Variants in OR51V1 observed in about 807,000 individuals in gnomAD.
The protein encoded by OR51V1 is olfactory receptor family 51 subfamily V member 1, also known as olfactory receptor 51V1.
In OR51V1, 16 loss-of-function variants were observed where a neutral mutation model predicts 16.3. That is an observed-to-expected ratio of 0.98 (90% confidence interval 0.67 to 1.49). The LOEUF is 1.49. OR51V1 is among the 40% of genes most tolerant of loss of function. The probability of loss-of-function intolerance (pLI) is 0.00; values close to 1 mark genes in which losing one functional copy is unlikely to be tolerated. For missense variants in OR51V1, 469 were observed against 380.4 expected, an observed-to-expected ratio of 1.23 and a Z score of -1.94; for synonymous variants, 189 against 142.2, an observed-to-expected ratio of 1.33 and a Z score of -2.34.
rs1300889720 is a variant in OR51V1, at chr11:5,199,859, G to C, written c.824C>G (p.Ala275Gly). The C allele has an allele frequency of 6.2e-7, 1 of 1,614,152 alleles. No individual in the cohort carries two copies. The highest frequency in any genetic ancestry group is 1.3e-5 in the African/African-American group (1 of 75,036). ...GTAGATGTTGCCAATGAGAACGTGGGCCACGGGGGAAAGGTGCTTGCCAAA... is the reference window on the plus strand; with the variant it reads ...GTAGATGTTGCCAATGAGAACGTGGCCCACGGGGGAAAGGTGCTTGCCAAA... ...HRFGKHLSPV[A>G]HVLIGNIYIL... The change falls in exon 1 of 1, where the codon GCC becomes GGC. Residue 275 changes from alanine to glycine, a missense_variant. Coordinates refer to ENST00000641270, the MANE Select transcript of OR51V1 (RefSeq NM_001004760.3).
At position 5,200,062 on chromosome 11, in the gene OR51V1, A is replaced by G. The variant is rs1847190034; in HGVS notation, c.621T>C (p.Ile207=). The G allele has an allele frequency of 6.2e-7, 1 of 1,613,426 alleles. No homozygotes were observed. The highest frequency in any genetic ancestry group is 1.7e-5 in the Admixed American group (1 of 60,026). ...GTATAGCATCCAACAACAGTATGCA[A>G]ATAACCAGCATCAGGGCATAGTAAC... ...FNSYYALMLV[I]CILLLDAILI... Residue 207 remains isoleucine, a synonymous_variant, in exon 1 of 1, where the codon ATT becomes ATC. Coordinates refer to ENST00000641270, the MANE Select transcript of OR51V1 (RefSeq NM_001004760.3).
rs769935079 is a variant in OR51V1, at chr11:5,199,825, G to C, written c.858C>G (p.Phe286Leu). The C allele has an allele frequency of 1.9e-6, 3 of 1,613,932 alleles. No homozygotes were observed. Among genetic ancestry groups the C allele is most frequent in the Admixed American group, 3.3e-5 (2 of 59,994 alleles). ...HVLIGNIYILFPPLMNPIIYS... is the reference protein window; with the variant it reads ...HVLIGNIYILLPPLMNPIIYS... ...AGATGATGGGATTCATTAAAGGTGG[G>C]AAAAGGATGTAGATGTTGCCAATGA... The change falls in exon 1 of 1, where the codon TTC (phenylalanine) becomes TTG (leucine). Residue 286 changes from phenylalanine (F) to leucine (L), a missense_variant. Phe to Leu is a conservative substitution (Grantham distance 22). Coordinates refer to ENST00000641270, the MANE Select transcript of OR51V1 (RefSeq NM_001004760.3).
At position 5,200,057 on chromosome 11, in the gene OR51V1, A is replaced by G. The variant is rs1296789492; in HGVS notation, c.626T>C (p.Ile209Thr). The G allele has an allele frequency of 6.2e-7, 1 of 1,613,226 alleles. No homozygotes were observed. Among genetic ancestry groups the G allele is most frequent in the Non-Finnish European group, 8.5e-7 (1 of 1,179,184 alleles). The stretch of plus-strand genomic sequence containing the variant: ...GATGAGTATAGCATCCAACAACAGT[A>G]TGCAAATAACCAGCATCAGGGCATA... ...SYYALMLVIC[I>T]LLLDAILILF... Residue 209 changes from isoleucine (I) to threonine (T), a missense_variant, in exon 1 of 1, where the codon ATA becomes ACA. Transcript: ENST00000641270.
Position 5,199,966 on chromosome 11 carries a change from T to A in OR51V1, c.717A>T (p.Lys239Asn). ...LAVASQEERH[K>N]LFQTCISHIC... ...TGTGGGAGATGCAGGTCTGAAATAA[T>A]TTATGCCTCTCTTCCTGAGAGGCAA... The change falls in exon 1 of 1, where the codon AAA becomes AAT. Residue 239 changes from lysine (K) to asparagine (N), a missense_variant. Transcript: ENST00000641270. 1 of 1,614,052 alleles carries A rather than the reference T, an allele frequency of 6.2e-7. No individual in the cohort carries two copies. The highest frequency in any genetic ancestry group is 8.5e-7 in the Non-Finnish European group (1 of 1,179,956).
Position 5,200,118 on chromosome 11 carries a change from G to A in OR51V1, c.565C>T (p.Arg189Cys), listed in dbSNP as rs151191536. The A allele has an allele frequency of 6.3e-5, 102 of 1,613,750 alleles. No individual in the cohort carries two copies. The highest frequency in any genetic ancestry group is 3.8e-4 in the South Asian group (35 of 91,042). The change falls in exon 1 of 1, where the codon CGC (arginine) becomes TGC (cysteine). Residue 189 changes from arginine to cysteine, a missense_variant. Transcript: ENST00000641270. ...HSFCLHQDLLRLACSDIRFNS... is the reference protein window; with the variant it reads ...HSFCLHQDLLCLACSDIRFNS... The stretch of plus-strand genomic sequence containing the variant: ...AATCGGATGTCTGAACAGGCTAAGC[G>A]GAGAAGATCCTGGTGCAGGCAGAAA...
At position 5,199,991 on chromosome 11, in the gene OR51V1, A is replaced by T. The variant is rs1847189141; in HGVS notation, c.692T>A (p.Val231Asp). The change falls in exon 1 of 1, where the codon GTT (valine) becomes GAT (aspartate). Residue 231 changes from valine (V) to aspartate (D), a missense_variant. Transcript: ENST00000641270. ...YILILKSVLA[V>D]ASQEERHKLF... ...TTTATGCCTCTCTTCCTGAGAGGCA[A>T]CTGCCAGGACTGACTTAAGAATCAG... The T allele has an allele frequency of 1.2e-6, 2 of 1,613,908 alleles. No homozygotes were observed. Among genetic ancestry groups the T allele is most frequent in the East Asian group, 4.5e-5 (2 of 44,900 alleles).
Position 5,199,864 on chromosome 11 carries a change from G to C in OR51V1, c.819C>G (p.Pro273=), listed in dbSNP as rs142226521. The stretch of plus-strand genomic sequence containing the variant: ...TGTTGCCAATGAGAACGTGGGCCAC[G>C]GGGGAAAGGTGCTTGCCAAAACGGT... The part of the protein sequence containing the change: ...MVHRFGKHLS[P]VAHVLIGNIY... The change falls in exon 1 of 1, where the codon CCC becomes CCG. Residue 273 remains proline, a synonymous_variant. Coordinates refer to ENST00000641270, the MANE Select transcript of OR51V1 (RefSeq NM_001004760.3). 5 of 1,613,912 alleles carry C rather than the reference G, an allele frequency of 3.1e-6. No homozygotes were observed. The highest frequency in any genetic ancestry group is 2.2e-5 in the South Asian group (2 of 91,078).
At position 5,200,200 on chromosome 11, in the gene OR51V1, G is replaced by T. The variant is rs145294889; in HGVS notation, c.483C>A (p.Pro161=). 2.3e-4 allele frequency: 372 copies of T among 1,612,552 alleles called. 1 individual carries two copies. The highest frequency in any genetic ancestry group is 3.0e-4 in the Non-Finnish European group (350 of 1,179,564). ...IIGRSFFFIT[P]PIICLKFFNY... is the part of the protein sequence containing the mutation. ...TAAAAAATTTCAGACAGATGATGGG[G>T]GGTGTAATAAAGAAAAAACTCCTAC... Residue 161 remains proline, a synonymous_variant, in exon 1 of 1, where the codon CCC becomes CCA. Transcript: ENST00000641270.
rs1847198462 is a variant in OR51V1 at position 5,200,432 on chromosome 11, A to G, written c.251T>C (p.Val84Ala). Residue 84 changes from valine to alanine, a missense_variant, in exon 1 of 1, where the codon GTG (valine) becomes GCG (alanine). Physicochemically the swap from Val to Ala is moderately conservative, Grantham distance 64. Transcript: ENST00000641270. ...LCMGLSTVYT[V>A]LGILWGIIRE... ...AATGATCCCCCACAGGATCCCCAGC[A>G]CTGTGTACACAGTGGACAGCCCCAT... 6.2e-7 allele frequency: 1 copy of G among 1,613,900 alleles called. No homozygotes were observed. The highest frequency in any genetic ancestry group is 1.3e-5 in the African/African-American group (1 of 74,886).
rs112745466 is a variant in OR51V1, at chr11:5,199,877, T to C, written c.806A>G (p.Lys269Arg). Residue 269 changes from lysine to arginine, a missense_variant, in exon 1 of 1, where the codon AAG (lysine) becomes AGG (arginine). Coordinates refer to ENST00000641270, the MANE Select transcript of OR51V1 (RefSeq NM_001004760.3). Reference protein sequence around the residue: ...ISLTMVHRFGKHLSPVAHVLI... With the variant: ...ISLTMVHRFGRHLSPVAHVLI... Reference sequence around the variant, plus strand: ...AACGTGGGCCACGGGGGAAAGGTGCTTGCCAAAACGGTGCACCATTGTGAG... The same window carrying C: ...AACGTGGGCCACGGGGGAAAGGTGCCTGCCAAAACGGTGCACCATTGTGAG... 28 of 1,614,116 alleles carry C rather than the reference T, an allele frequency of 1.7e-5. No individual in the cohort carries two copies. The African/African-American group carries it at 2.4e-4, about 14-fold the overall frequency.
In OR51V1 at chr11:5,199,776, G is replaced by GA. The variant is rs746148681; in HGVS notation, c.906dup (p.His303SerfsTer6). The GA allele has an allele frequency of 6.2e-7, 1 of 1,612,542 alleles. No individual in the cohort carries two copies. Among genetic ancestry groups the GA allele is most frequent in the South Asian group, 1.1e-5 (1 of 90,922 alleles). ...GAAAAGAGTCTAAGCATTCTGGTAT[G>GA]AATCTGTTGGGTCTTGACACTGTAG... On this transcript the variant is annotated frameshift_variant, in exon 1 of 1. Transcript: ENST00000641270. LOFTEE classifies it high-confidence loss of function.
At position 5,199,741 on chromosome 11, in the gene OR51V1, T is replaced by G. The variant is rs1847184724; in HGVS notation, c.942A>C (p.Arg314Ser). 1 of 1,590,422 alleles carries G rather than the reference T, an allele frequency of 6.3e-7. No homozygotes were observed. Among genetic ancestry groups the G allele is most frequent in the Non-Finnish European group, 8.6e-7 (1 of 1,165,644 alleles). The change falls in exon 1 of 1, where the codon AGA becomes AGC. Residue 314 changes from arginine (R) to serine (S), a missense_variant. Physicochemically the swap from Arg to Ser is moderately radical, Grantham distance 110. Transcript: ENST00000641270. ...CAATACATCTCAATATCTCTCAATATCTTTTCAGAGAAAAGAGTCTAAGCA... is the reference window on the plus strand; with the variant it reads ...CAATACATCTCAATATCTCTCAATAGCTTTTCAGAGAAAAGAGTCTAAGCA... Reference protein sequence around the residue: ...TRMLRLFSLKRY With the variant: ...TRMLRLFSLKSY
At position 5,199,934 on chromosome 11, in the gene OR51V1, G is replaced by T; in HGVS notation, c.749C>A (p.Ala250Asp). The change falls in exon 1 of 1, where the codon GCT becomes GAT. Residue 250 changes from alanine to aspartate, a missense_variant. Transcript: ENST00000641270. ...GATAGGGATGTAGAACACAAGGACA[G>T]CACAGATGTGGGAGATGCAGGTCTG... Reference protein sequence around the residue: ...LFQTCISHICAVLVFYIPIIS... With the variant: ...LFQTCISHICDVLVFYIPIIS... The T allele has an allele frequency of 1.9e-6, 3 of 1,613,908 alleles. No individual in the cohort carries two copies. The highest frequency in any genetic ancestry group is 2.5e-6 in the Non-Finnish European group (3 of 1,179,808).
chr11:5,200,428 C>CA lies in OR51V1; in HGVS notation c.254dup (p.Ile87AspfsTer38). On this transcript the variant is annotated frameshift_variant, in exon 1 of 1. Coordinates refer to ENST00000641270, the MANE Select transcript of OR51V1 (RefSeq NM_001004760.3). LOFTEE classifies it high-confidence loss of function. ...CTCGAATGATCCCCCACAGGATCCCCAGCACTGTGTACACAGTGGACAGCC... is the reference window on the plus strand; with the variant it reads ...CTCGAATGATCCCCCACAGGATCCCCAAGCACTGTGTACACAGTGGACAGCC... 6.2e-7 allele frequency: 1 copy of CA among 1,613,788 alleles called. No individual in the cohort carries two copies. Among genetic ancestry groups the CA allele is most frequent in the Non-Finnish European group, 8.5e-7 (1 of 1,179,786 alleles).
Position 5,200,184 on chromosome 11 carries a change from T to A in OR51V1, c.499A>T (p.Lys167Ter). 1.9e-6 allele frequency: 3 copies of A among 1,613,224 alleles called. No homozygotes were observed. The highest frequency in any genetic ancestry group is 1.1e-5 in the South Asian group (1 of 91,038). The change falls in exon 1 of 1, where the codon AAA becomes TAA. Residue 167 changes from lysine to a stop codon, truncating the protein, a stop_gained. Transcript: ENST00000641270. LOFTEE classifies it high-confidence loss of function. ...TGGAAATGACAGTAATTAAAAAATT[T>A]CAGACAGATGATGGGGGGTGTAATA... is the stretch of plus-strand genomic sequence containing the variant. ...FFITPPIICL[K>*]FFNYCHFHIL...
Position 5,199,836 on chromosome 11 carries a change from A to G in OR51V1, c.847T>C (p.Tyr283His), listed in dbSNP as rs201892666. The G allele has an allele frequency of 1.2e-6, 2 of 1,614,124 alleles. No individual in the cohort carries two copies. Among genetic ancestry groups the G allele is most frequent in the East Asian group, 4.5e-5 (2 of 44,870 alleles). The change falls in exon 1 of 1, where the codon TAC becomes CAC. Residue 283 changes from tyrosine (Y) to histidine (H), a missense_variant. Physicochemically the swap from Tyr to His is moderately conservative, Grantham distance 83. Transcript: ENST00000641270. Reference protein sequence around the residue: ...PVAHVLIGNIYILFPPLMNPI... With the variant: ...PVAHVLIGNIHILFPPLMNPI... ...TTCATTAAAGGTGGGAAAAGGATGT[A>G]GATGTTGCCAATGAGAACGTGGGCC...
Position 5,199,927 on chromosome 11 carries a change from A to C in OR51V1, c.756T>G (p.Leu252=). The C allele has an allele frequency of 6.2e-7, 1 of 1,614,104 alleles. No homozygotes were observed. The highest frequency in any genetic ancestry group is 8.5e-7 in the Non-Finnish European group (1 of 1,179,950). The stretch of plus-strand genomic sequence containing the variant: ...GGCTAATGATAGGGATGTAGAACAC[A>C]AGGACAGCACAGATGTGGGAGATGC... ...QTCISHICAV[L]VFYIPIISLT... Residue 252 remains leucine (L), a synonymous_variant, in exon 1 of 1, where the codon CTT becomes CTG. Coordinates refer to ENST00000641270, the MANE Select transcript of OR51V1 (RefSeq NM_001004760.3).
Position 5,200,218 on chromosome 11 carries a change from ACTC to A in OR51V1, c.462_464del (p.Arg154del). The A allele has an allele frequency of 6.2e-7, 1 of 1,612,922 alleles. No homozygotes were observed. Among genetic ancestry groups the A allele is most frequent in the Non-Finnish European group, 8.5e-7 (1 of 1,179,790 alleles). On this transcript the variant is annotated inframe_deletion, in exon 1 of 1. Transcript: ENST00000641270. ...TGATGGGGGGTGTAATAAAGAAAAA[ACTC>A]CTACCTATTATAGTGAGCCCAATTT...
chr11:5,200,208 TAAAG>T lies in OR51V1; in HGVS notation c.471_474del (p.Phe157LeufsTer9), dbSNP rs150098602. 6.3e-3 allele frequency: 10,169 copies of T among 1,613,056 alleles called. 591 individuals are homozygous for T. In the African/African-American group the frequency reaches 0.12, roughly 19 times the overall value. Reference sequence around the variant, plus strand: ...TTCAGACAGATGATGGGGGGTGTAATAAAGAAAAAACTCCTACCTATTATAGTGA... The same window carrying T: ...TTCAGACAGATGATGGGGGGTGTAATAAAAAACTCCTACCTATTATAGTGA... On this transcript the variant is annotated frameshift_variant, in exon 1 of 1. Transcript: ENST00000641270. LOFTEE classifies it high-confidence loss of function.
Sources: gnomAD v4.1 joint callset for allele counts on GRCh38, gnomAD v4.1.1 for gene constraint, MANE v1.5 for transcripts, NCBI Gene and HGNC (gene_info 2026-07-23, HGNC 2026-07-21) for gene names.